Variants in CMKLR1 observed in about 807,000 individuals in gnomAD.
The protein encoded by CMKLR1 is chemerin-like receptor 1.
Under a neutral mutation model 8.2 loss-of-function variants are expected in CMKLR1, and 6 were observed. That is an observed-to-expected ratio of 0.73 (90% confidence interval 0.40 to 1.44). The LOEUF is 1.44. Among genes scored for constraint, CMKLR1 ranks in the 40% most tolerant of loss-of-function variants. The pLI is 0.02. For synonymous variants in CMKLR1, 178 were observed against 181.2 expected (o/e 0.98, Z 0.14); for missense variants, 429 against 478.0 (o/e 0.90, Z 0.96).
At chr12:108,325,736 G>A (rs748590657) in intron 2 of CMKLR1, among the ~76,000 whole-genome samples, 46 of 152,090 alleles carry the variant, frequency 3.0e-4, no homozygotes, top group South Asian at 2.1e-4. Context: ...AGCTTTGACC[G>A]TCTTGCCATC....
At chr12:108,318,955 C>T (rs888069056) in intron 2 of CMKLR1, among the ~76,000 whole-genome samples, 4 of 152,244 alleles carry the variant, frequency 2.6e-5, no homozygotes, top group African/African-American at 9.6e-5. Flanking sequence ...GAATTTTCCA[C>T]CCATGCCTTA....
At chr12:108,304,325 C>T (rs1401104601) in intron 2 of CMKLR1, among the ~76,000 whole-genome samples, 4 of 152,208 alleles carry the variant, frequency 2.6e-5, no homozygotes, top group Admixed American at 6.5e-5. Flanking sequence ...CAGGGCCTCA[C>T]CTCCTCTGGC....
At chr12:108,302,121 A>C (rs781167394) in intron 2 of CMKLR1, among the ~76,000 whole-genome samples, 7 of 152,244 alleles carry the variant, frequency 4.6e-5, no homozygotes, top group Non-Finnish European at 8.8e-5. Flanking sequence ...AATTGACAGG[A>C]GGGAAACCCC....
chr12:108,331,636 T>C (rs904391622), intron 1 of CMKLR1, among the ~76,000 whole-genome samples: 1 of 152,134 alleles, frequency 6.6e-6, no homozygotes, highest in African/African-American at 2.4e-5. Context: ...TTAGGAATCT[T>C]GAGATGGTGG....
chr12:108,317,394 A>G (rs1419515013), intron 2 of CMKLR1, among the ~76,000 whole-genome samples: 3 of 152,186 alleles, frequency 2.0e-5, no homozygotes, highest in African/African-American at 7.2e-5. Context: ...AGACATAGGT[A>G]TTGACTACCC....
intron 2 of CMKLR1, among the ~76,000 whole-genome samples, chr12:108,295,318 T>A (rs1891105687): frequency 6.6e-6 from 1 of 152,176 alleles, no homozygotes; most frequent in African/African-American, 2.4e-5. Flanking sequence ...TTGAACCACA[T>A]CTGCAAAGCC....
At chr12:108,334,032 T>A (rs1892167278) in intron 1 of CMKLR1, among the ~76,000 whole-genome samples, 1 of 152,222 alleles carries the variant, frequency 6.6e-6, no homozygotes, top group African/African-American at 2.4e-5. Flanking sequence ...ATGGAAAAAG[T>A]GCTGGGCTGG....
chr12:108,292,625 T>C lies in CMKLR1; in HGVS notation c.338A>G (p.Lys113Arg). 1.2e-6 allele frequency: 2 copies of C among 1,614,156 alleles called. No individual in the cohort carries two copies. Among genetic ancestry groups the C allele is most frequent in the Non-Finnish European group, 1.7e-6 (2 of 1,180,022 alleles). ...GTGGATGAGAAGGAAGTTGCTGATC[T>C]TGCACATGGCTGTCCCGAAAACCCA... The part of the protein sequence containing the change: ...YHWVFGTAMC[K>R]ISNFLLIHNM... Residue 113 changes from lysine (K) to arginine (R), a missense_variant, in exon 4 of 4, where the codon AAG (lysine) becomes AGG (arginine). Coordinates refer to ENST00000550402, the MANE Select transcript of CMKLR1 (RefSeq NM_001142343.2).
chr12:108,321,545 C>T (rs1295241678), intron 2 of CMKLR1, among the ~76,000 whole-genome samples: 1 of 152,176 alleles, frequency 6.6e-6, no homozygotes, highest in African/African-American at 2.4e-5. Flanking sequence ...CTGCGTCACT[C>T]ACCACCCCCT....
intron 3 of CMKLR1, 88 bp downstream of exon 3, chr12:108,293,501 T>C (rs990744201): frequency 7.1e-7 from 1 of 1,412,564 alleles, no homozygotes. Flanking sequence ...TAAAACCAAG[T>C]GGACAGCCTT....
chr12:108,302,896 G>C lies in CMKLR1; in HGVS notation c.-73-9232C>G, dbSNP rs188435093. 5.8e-4 allele frequency among the ~76,000 whole-genome samples: 89 copies of C among 152,284 alleles called. 1 individual carries two copies. The highest frequency in any genetic ancestry group is 2.1e-3 in the African/African-American group (86 of 41,560). On this transcript the variant is annotated intron_variant, in intron 2 of 3. Transcript: ENST00000550402. ...CACAGTGAAGAAAGAAAATACAAGC[G>C]CAGGGACTTCTGGGGGCCCCTGATG...
intron 2 of CMKLR1, among the ~76,000 whole-genome samples, chr12:108,309,286 G>A (rs563281179): frequency 6.6e-6 from 1 of 152,340 alleles, no homozygotes; most frequent in South Asian, 2.1e-4. Context: ...TCTCAGAGAA[G>A]CTTCTTGGAA....
intron 2 of CMKLR1, among the ~76,000 whole-genome samples, chr12:108,298,429 G>A (rs113524503): frequency 1.3e-5 from 2 of 152,286 alleles, no homozygotes; most frequent in African/African-American, 4.8e-5. Flanking sequence ...ATCCACATCT[G>A]GGTTTGCTCT....
At position 108,290,192 on chromosome 12, in the gene CMKLR1, A is replaced by T. The variant is rs1320263786; in HGVS notation, c.*1649T>A. 1 of 152,240 alleles carries T rather than the reference A, an allele frequency of 6.6e-6. No individual in the cohort carries two copies. Among genetic ancestry groups the T allele is most frequent in the Non-Finnish European group, 1.5e-5 (1 of 68,046 alleles). 9.4% of individuals were successfully genotyped at this position (152,240 alleles called of 1,614,324 possible). On this transcript the variant is annotated 3_prime_UTR_variant, in exon 4 of 4. Transcript: ENST00000550402. ...AAAGGCCATTAAGATGTTCATCCTC[A>T]TTTGCAGAAAAATCAATATTTATGG... is the stretch of plus-strand genomic sequence containing the variant.
chr12:108,323,557 G>A (rs1043604837), intron 2 of CMKLR1, among the ~76,000 whole-genome samples: 6 of 152,276 alleles, frequency 3.9e-5, no homozygotes, highest in Admixed American at 3.9e-4. Flanking sequence ...GTGGAGACAG[G>A]AAGGCTGGGT....
rs1305716929 is a variant in CMKLR1 at position 108,292,248 on chromosome 12, A to C, written c.715T>G (p.Cys239Gly). Residue 239 changes from cysteine (C) to glycine (G), a missense_variant, in exon 4 of 4, where the codon TGC becomes GGC. Physicochemically the swap from Cys to Gly is radical, Grantham distance 159. Transcript: ENST00000550402. ...FLVPVLIITA[C>G]YLTIVCKLQR... ...AGTTTGCACACGATGGTGAGGTAGC[A>C]AGCTGTGATGATGAGGACTGGGACC... 2 of 1,614,050 alleles carry C rather than the reference A, an allele frequency of 1.2e-6. No homozygotes were observed. Among genetic ancestry groups the C allele is most frequent in the East Asian group, 4.5e-5 (2 of 44,876 alleles).
At chr12:108,323,296 A>G (rs1371246552) in intron 2 of CMKLR1, among the ~76,000 whole-genome samples, 1 of 152,202 alleles carries the variant, frequency 6.6e-6, no homozygotes, top group African/African-American at 2.4e-5. Context: ...AAAATGTTTC[A>G]CTTTATGAAA....
intron 2 of CMKLR1, among the ~76,000 whole-genome samples, chr12:108,298,627 A>G (rs552217717): frequency 2.8e-4 from 43 of 152,280 alleles, no homozygotes; most frequent in African/African-American, 1.0e-3. Context: ...AATCTAGCTG[A>G]GGTCTGGGAC....
rs1011979836 is a variant in CMKLR1, at chr12:108,307,274, C to A, written c.-73-13610G>T. On this transcript the variant is annotated intron_variant, in intron 2 of 3. Transcript: ENST00000550402. Reference sequence around the variant, plus strand: ...GAGTGACTTCTGCCCATGCTGGGAGCCAGCCTGTGGCACGCACTTGGTGTG... The same window carrying A: ...GAGTGACTTCTGCCCATGCTGGGAGACAGCCTGTGGCACGCACTTGGTGTG... 3.7e-4 allele frequency among the ~76,000 whole-genome samples: 57 copies of A among 152,300 alleles called. No homozygotes were observed. The Middle Eastern group carries it at 0.02, about 55-fold the overall frequency.
Sources: gnomAD v4.1 joint callset for allele counts (sites outside exome capture counted in the v4.1 genomes callset) on GRCh38, gnomAD v4.1.1 for gene constraint, MANE v1.5 for transcripts, NCBI Gene and HGNC (gene_info 2026-07-23, HGNC 2026-07-21) for gene names.